The following CNKSR2 variants were observed in gnomAD, a reference collection of about 807,000 sequenced individuals.
CNKSR2 encodes the protein CNK homolog protein 2.
CNKSR2 carries 14 observed loss-of-function variants against 84.4 expected under a neutral mutation model. The ratio of observed to expected loss-of-function variants is 0.17; its 90% CI spans 0.11 to 0.26. CNKSR2 has a LOEUF of 0.26. Ranked by LOEUF, CNKSR2 falls within the 10% of genes least tolerant of loss-of-function variation. The pLI is 1.00. For missense variants in CNKSR2, 485 were observed against 771.2 expected (o/e 0.63, Z 4.40); for synonymous variants, 275 against 277.9 (o/e 0.99, Z 0.10).
chrX:21,509,377 A>G (rs904177575), intron 8 of CNKSR2, among the ~76,000 whole-genome samples: 7 of 111,912 alleles, frequency 6.3e-5, no homozygotes, highest in Non-Finnish European at 1.1e-4. Flanking sequence ...TGAAAATAAA[A>G]TCTTTCCCGT....
At chrX:21,583,610 A>G (rs1386070724) in intron 13 of CNKSR2, among the ~76,000 whole-genome samples, 1 of 112,052 alleles carries the variant, frequency 8.9e-6, no homozygotes. Flanking sequence ...AGAAAATTAC[A>G]GTAAGAGGAA....
chrX:21,633,271 T>C (rs908705889), intron 20 of CNKSR2, among the ~76,000 whole-genome samples: 1 of 111,367 alleles, frequency 9.0e-6, no homozygotes, highest in Non-Finnish European at 1.9e-5. Context: ...GTTGTGTTTT[T>C]TACCCTAGAG....
In CNKSR2 at chrX:21,562,409, C is replaced by A. The variant is rs2092199591; in HGVS notation, c.1394-829C>A. 2.7e-5 allele frequency among the ~76,000 whole-genome samples: 3 copies of A among 111,905 alleles called. No individual in the cohort carries two copies. The South Asian group carries it at 1.1e-3, about 41-fold the overall frequency. On this transcript the variant is annotated intron_variant, in intron 12 of 21. Transcript: ENST00000379510. ...CCAGTATACAGAATTTATTTTATTA[C>A]TGCACAGATCCGCAGACCATATGGA... is the stretch of plus-strand genomic sequence containing the variant.
In CNKSR2 at chrX:21,643,743, C is replaced by G. The variant is rs2092698631; in HGVS notation, c.2693-5088C>G. On this transcript the variant is annotated intron_variant, in intron 20 of 21. Transcript: ENST00000379510. ...AAATAACTTACCCCTAAATATGAAA[C>G]TAGTAGTTGATTACAGATGGAGGAC... The G allele has an allele frequency of 3.6e-5, 4 of 111,071 alleles. No individual in the cohort carries two copies. In the South Asian group the frequency reaches 1.5e-3, roughly 41 times the overall value. The allele number at this position is 111,071 out of a possible 1,213,427, so 9.2% of individuals were successfully genotyped here.
intron 10 of CNKSR2, among the ~76,000 whole-genome samples, chrX:21,529,503 AG>A (rs2147119325): frequency 9.0e-6 from 1 of 111,413 alleles, no homozygotes; most frequent in East Asian, 2.8e-4. Context: ...ATATAAAGTT[AG>A]TTCAGTAAAG....
Position 21,482,899 on chromosome X carries a change from G to A in CNKSR2, c.562-7560G>A, listed in dbSNP as rs754335288. ...TAAAGGGATTGTAGGAGTTTTCCAGGCCTTATTGGGATGAAGTTCACATGA... is the reference window on the plus strand; with the variant it reads ...TAAAGGGATTGTAGGAGTTTTCCAGACCTTATTGGGATGAAGTTCACATGA... On this transcript the variant is annotated intron_variant, in intron 5 of 21. Coordinates refer to ENST00000379510, the MANE Select transcript of CNKSR2 (RefSeq NM_014927.5). Among the ~76,000 whole-genome samples the A allele has an allele frequency of 2.7e-5, 3 of 111,510 alleles. No homozygotes were observed. In the South Asian group the frequency reaches 1.1e-3, roughly 42 times the overall value.
chrX:21,484,321 A>AAAACG (rs1221486746), intron 5 of CNKSR2, among the ~76,000 whole-genome samples: 4 of 111,801 alleles, frequency 3.6e-5, no homozygotes, highest in Admixed American at 9.5e-5. Flanking sequence ...AAAACAAAAC[A>AAAACG]AAACAAAAAC....
intron 20 of CNKSR2, among the ~76,000 whole-genome samples, chrX:21,648,575 T>C (rs2092712115): frequency 9.0e-6 from 1 of 110,870 alleles, no homozygotes; most frequent in Admixed American, 9.6e-5. Flanking sequence ...AATCCTATTA[T>C]TTGATCATTC....
chrX:21,432,643 C>T lies in CNKSR2; in HGVS notation c.260C>T (p.Thr87Ile), dbSNP rs779747887. The change falls in exon 3 of 22, where the codon ACC becomes ATC. Residue 87 changes from threonine (T) to isoleucine (I), a missense_variant. Physicochemically the swap from Thr to Ile is moderately conservative, Grantham distance 89. Around this residue, in one of 5 missense-constraint regions of CNKSR2, gnomAD observed 109 missense variants for 197.5 expected, o/e 0.55. Transcript: ENST00000379510. Reference sequence around the variant, plus strand: ...GGCTTGGAAACAGAAAATCTAAAAACCCTTTCTCACAAGTTGAATGCATCT... The same window carrying T: ...GGCTTGGAAACAGAAAATCTAAAAATCCTTTCTCACAAGTTGAATGCATCT... ...NYGLETENLK[T>I]LSHKLNASAK... The T allele has an allele frequency of 1.7e-6, 2 of 1,175,039 alleles. No homozygotes were observed. The highest frequency in any genetic ancestry group is 3.6e-5 in the African/African-American group (2 of 55,742).
At chrX:21,577,424 GA>G (rs891075713) in intron 13 of CNKSR2, among the ~76,000 whole-genome samples, 1 of 110,464 alleles carries the variant, frequency 9.1e-6, no homozygotes, top group Non-Finnish European at 1.9e-5. Flanking sequence ...TGCCTTTAGG[GA>G]AAAAAAATAC....
chrX:21,468,795 A>G (rs775789281), intron 4 of CNKSR2: 1 of 111,530 alleles, frequency 9.0e-6, no homozygotes, highest in Non-Finnish European at 1.9e-5. Context: ...AACTTCTTCA[A>G]TCTTATATAT....
In CNKSR2 at chrX:21,629,678, G is replaced by A. The variant is rs555825892; in HGVS notation, c.2693-19153G>A. ...CCCCCATGATTCAATTATCTCCCAC[G>A]GGGTCCCTCCCACAACTCGTGGGAA... On this transcript the variant is annotated intron_variant, in intron 20 of 21. Transcript: ENST00000379510. 1.3e-4 allele frequency among the ~76,000 whole-genome samples: 15 copies of A among 111,400 alleles called. No individual in the cohort carries two copies. In the South Asian group the frequency reaches 5.4e-3, roughly 40 times the overall value.
rs2092624677 is a variant in CNKSR2, at chrX:21,626,517, TAATTC to T, written c.2692+16903_2692+16907del. Among the ~76,000 whole-genome samples the T allele has an allele frequency of 3.6e-5, 4 of 111,678 alleles. No individual in the cohort carries two copies. The Admixed American group carries it at 3.8e-4, about 11-fold the overall frequency. ...GTGATAGGGATACCAATTAGAAAACTAATTCAACAATCCAGATGAGAGATATGATA... is the reference window on the plus strand; with the variant it reads ...GTGATAGGGATACCAATTAGAAAACTAACAATCCAGATGAGAGATATGATA... On this transcript the variant is annotated intron_variant, in intron 20 of 21. Coordinates refer to ENST00000379510, the MANE Select transcript of CNKSR2 (RefSeq NM_014927.5).
intron 1 of CNKSR2, among the ~76,000 whole-genome samples, chrX:21,409,001 G>C (rs2090302489): frequency 9.3e-6 from 1 of 107,142 alleles, no homozygotes; most frequent in African/African-American, 3.4e-5. Flanking sequence ...AATTTACACT[G>C]TGCTAAGAAA....
intron 1 of CNKSR2, among the ~76,000 whole-genome samples, chrX:21,376,098 T>A (rs1021414099): frequency 9.8e-5 from 11 of 112,571 alleles, no homozygotes; most frequent in African/African-American, 3.6e-4. Context: ...AGGCTTATTA[T>A]CGCTGAAAAT....
At chrX:21,458,705 G>A (rs934526325) in intron 4 of CNKSR2, among the ~76,000 whole-genome samples, 3 of 110,660 alleles carry the variant, frequency 2.7e-5, no homozygotes, top group East Asian at 2.9e-4. Flanking sequence ...TTCGTCACCC[G>A]GGTATTAAGC....
chrX:21,629,557 G>T (rs2092638517), intron 20 of CNKSR2, among the ~76,000 whole-genome samples: 2 of 111,856 alleles, frequency 1.8e-5, no homozygotes, highest in Non-Finnish European at 3.8e-5. Context: ...TACTTGGATG[G>T]GGTCAGGCAA....
intron 9 of CNKSR2, among the ~76,000 whole-genome samples, chrX:21,522,474 G>A (rs1821772550): frequency 9.0e-6 from 1 of 110,917 alleles, no homozygotes; most frequent in Admixed American, 9.6e-5. Context: ...GCTGGGTCAC[G>A]TACTAGAAAG....
At chrX:21,422,132 G>A (rs920839446) in intron 1 of CNKSR2, 15 of 111,596 alleles carry the variant, frequency 1.3e-4, no homozygotes, top group African/African-American at 4.9e-4. Context: ...TGTATCCATA[G>A]CACTGCTCAT....
Sources: gnomAD v4.1 joint callset for allele counts (sites outside exome capture counted in the v4.1 genomes callset) on GRCh38, gnomAD v4.1.1 for gene constraint, gnomAD v4.1.1 regional missense constraint, MANE v1.5 for transcripts, NCBI Gene and HGNC (gene_info 2026-07-23, HGNC 2026-07-21) for gene names.